TPTE: variants seen among roughly 807,000 people sequenced by gnomAD.
The protein encoded by TPTE is putative tyrosine-protein phosphatase TPTE.
Under a neutral mutation model 84.1 loss-of-function variants are expected in TPTE, and 59 were observed. That is an observed-to-expected ratio of 0.70 (90% CI 0.57 to 0.87). The LOEUF is 0.87. Among genes scored for constraint, TPTE ranks in the 40% least tolerant of loss-of-function variants. The pLI, the probability that TPTE is intolerant of heterozygous loss-of-function variation, is 0.00. For missense variants in TPTE, 382 were observed against 659.6 expected (o/e 0.58, Z 4.61); for synonymous variants, 130 against 223.5 (o/e 0.58, Z 3.73).
At chr21:10,549,089 A>G (rs1302704593) in intron 7 of TPTE, among the ~76,000 whole-genome samples, 1 of 152,308 alleles carries the variant, frequency 6.6e-6, no homozygotes, top group Non-Finnish European at 1.5e-5. Flanking sequence ...AACCTAGGCC[A>G]CTGAGTAACT....
chr21:10,523,836 T>C (rs1264005647), intron 1 of TPTE, among the ~76,000 whole-genome samples: 1 of 152,304 alleles, frequency 6.6e-6, no homozygotes. Context: ...CTGGGTCAAA[T>C]GGTATTTCTA....
At chr21:10,555,441 C>T (rs1356458987) in intron 8 of TPTE, among the ~76,000 whole-genome samples, 5 of 152,310 alleles carry the variant, frequency 3.3e-5, no homozygotes, top group Non-Finnish European at 7.3e-5. Flanking sequence ...CTCTTGACCT[C>T]ATGATCCACC....
intron 8 of TPTE, among the ~76,000 whole-genome samples, chr21:10,559,130 C>A (rs1384045185): frequency 2.0e-5 from 3 of 152,308 alleles, no homozygotes; most frequent in African/African-American, 7.2e-5. Flanking sequence ...ATGATTTGCC[C>A]AGGCTGGCAT....
At chr21:10,599,860 C>CTTTTTTTTTTTTTTTT (rs59780138) in intron 21 of TPTE, among the ~76,000 whole-genome samples, 2 of 147,058 alleles carry the variant, frequency 1.4e-5, no homozygotes, top group Non-Finnish European at 3.0e-5. Flanking sequence ...TCTTCCTTTC[C>CTTTTTTTTTTTTTTTT]TTTTTTTTTT....
intron 14 of TPTE, among the ~76,000 whole-genome samples, chr21:10,576,978 G>A (rs1286856945): frequency 6.6e-6 from 1 of 152,272 alleles, no homozygotes; most frequent in Non-Finnish European, 1.5e-5. Flanking sequence ...TTTAAAATTT[G>A]ATATGTTTAT....
At chr21:10,596,811 G>C (rs1017162928) in intron 20 of TPTE, among the ~76,000 whole-genome samples, 1 of 152,312 alleles carries the variant, frequency 6.6e-6, no homozygotes. Context: ...AGACAGCCTA[G>C]TATTTTTAGC....
At chr21:10,572,160 G>A (rs982849333) in intron 14 of TPTE, among the ~76,000 whole-genome samples, 14 of 152,286 alleles carry the variant, frequency 9.2e-5, no homozygotes, top group Non-Finnish European at 1.6e-4. Flanking sequence ...TCAAAAAGAG[G>A]GAATATTCAT....
At chr21:10,547,594 C>T (rs373885480) in intron 7 of TPTE, among the ~76,000 whole-genome samples, 1 of 152,306 alleles carries the variant, frequency 6.6e-6, no homozygotes, top group South Asian at 2.1e-4. Flanking sequence ...AGACTTCCCA[C>T]CCCCAGAGGC....
At chr21:10,574,533 C>T (rs689278) in intron 14 of TPTE, among the ~76,000 whole-genome samples, 1 of 152,118 alleles carries the variant, frequency 6.6e-6, no homozygotes, top group Non-Finnish European at 1.5e-5. Flanking sequence ...TGCAGTCTGC[C>T]GCGCTCACAA....
chr21:10,527,833 T>C (rs1277313974), intron 3 of TPTE, among the ~76,000 whole-genome samples: 2 of 152,306 alleles, frequency 1.3e-5, no homozygotes, highest in African/African-American at 4.8e-5. Flanking sequence ...TCAGGTTTAG[T>C]CACTTGATCC....
chr21:10,577,607 T>C, intron 15 of TPTE, 87 bp downstream of exon 15: 1 of 1,609,228 alleles, frequency 6.2e-7, no homozygotes. Flanking sequence ...TAGATTGCAT[T>C]TAATCATAAG....
intron 10 of TPTE, among the ~76,000 whole-genome samples, chr21:10,562,693 AG>A (rs2074833421): frequency 6.6e-6 from 1 of 152,308 alleles, no homozygotes; most frequent in Non-Finnish European, 1.5e-5. Context: ...ATGAGCTTGA[AG>A]ACAGGCTATT....
At chr21:10,531,527 C>T in intron 3 of TPTE, among the ~76,000 whole-genome samples, 1 of 152,428 alleles carries the variant, frequency 6.6e-6, no homozygotes, top group Non-Finnish European at 1.5e-5. Context: ...TACCCAGCCT[C>T]AGGTATCCCT....
chr21:10,540,399 A>G (rs374383625), intron 4 of TPTE, among the ~76,000 whole-genome samples: 91 of 152,402 alleles, frequency 6.0e-4, no homozygotes, highest in African/African-American at 1.9e-3. Context: ...GGATGGAGGT[A>G]GGAAAATGGG....
At chr21:10,528,917 T>G (rs1600852285) in intron 3 of TPTE, among the ~76,000 whole-genome samples, 1 of 152,310 alleles carries the variant, frequency 6.6e-6, no homozygotes. Context: ...CTGGGCATGG[T>G]GGCTCAAGCC....
intron 3 of TPTE, among the ~76,000 whole-genome samples, chr21:10,535,410 C>T (rs1369062699): frequency 3.3e-5 from 5 of 152,428 alleles, no homozygotes; most frequent in African/African-American, 4.8e-5. Flanking sequence ...GTAAAATTCA[C>T]TGTCAGGCAT....
Position 10,552,725 on chromosome 21 carries a change from G to A in TPTE, c.233+9G>A. The A allele has an allele frequency of 6.2e-7, 1 of 1,613,316 alleles. No individual in the cohort carries two copies. The highest frequency in any genetic ancestry group is 8.5e-7 in the Non-Finnish European group (1 of 1,179,754). ...AATGTTGCTTCATATGAGTAAGTCAGTTTGAAGTTTGAAAGGAGGGAGCCA... is the reference window on the plus strand; with the variant it reads ...AATGTTGCTTCATATGAGTAAGTCAATTTGAAGTTTGAAAGGAGGGAGCCA... On this transcript the variant is annotated intron_variant, in intron 8 of 23. Coordinates refer to ENST00000618007, the MANE Select transcript of TPTE (RefSeq NM_199261.4).
rs2145818781 is a variant in TPTE, at chr21:10,605,497, A to G, written c.1601A>G (p.Glu534Gly). ...RRIYPSDFAV[E>G]ILFGEKMTSS... is the part of the protein sequence containing the mutation. ...ATTTATCCATCAGATTTTGCCGTGG[A>G]GATACTTTTTGGCGAGAAAATGACT... The change falls in exon 24 of 24, where the codon GAG becomes GGG. Residue 534 changes from glutamate to glycine, a missense_variant. Around this residue, in one of 10 missense-constraint regions of TPTE, gnomAD observed 120 missense variants for 79.1 expected, o/e 1.52. Coordinates refer to ENST00000618007, the MANE Select transcript of TPTE (RefSeq NM_199261.4). The G allele has an allele frequency of 6.2e-7, 1 of 1,614,248 alleles. No homozygotes were observed. Among genetic ancestry groups the G allele is most frequent in the South Asian group, 1.1e-5 (1 of 91,090 alleles).
chr21:10,545,852 C>A (rs547703618), intron 7 of TPTE, among the ~76,000 whole-genome samples: 5 of 151,770 alleles, frequency 3.3e-5, no homozygotes, highest in Non-Finnish European at 7.4e-5. Flanking sequence ...TAGATATATT[C>A]TTTAGCACTA....
Sources: gnomAD v4.1 joint callset for allele counts (sites outside exome capture counted in the v4.1 genomes callset) on GRCh38, gnomAD v4.1.1 for gene constraint, gnomAD v4.1.1 regional missense constraint, MANE v1.5 for transcripts, NCBI Gene and HGNC (gene_info 2026-07-23, HGNC 2026-07-21) for gene names.